The following CDK14 variants were observed in gnomAD, a reference collection of about 807,000 sequenced individuals.
CDK14 encodes the protein cyclin dependent kinase 14.
In CDK14, 34 loss-of-function variants were observed where a neutral mutation model predicts 60.7. The ratio of observed to expected loss-of-function variants is 0.56; its 90% confidence interval spans 0.43 to 0.75. The LOEUF (loss-of-function observed/expected upper bound fraction) is 0.75, where lower values mean the gene tolerates loss of function less well. Among genes scored for constraint, CDK14 ranks in the 30% least tolerant of loss-of-function variants. The probability of loss-of-function intolerance (pLI) is 0.00; values close to 1 mark genes in which losing one functional copy is unlikely to be tolerated. For missense variants in CDK14, 482 were observed against 564.1 expected (o/e 0.85, Z 1.47); for synonymous variants, 197 against 203.7 (o/e 0.97, Z 0.28).
intron 2 of CDK14, among the ~76,000 whole-genome samples, chr7:90,653,416 A>C (rs1800687493): frequency 6.6e-6 from 1 of 151,704 alleles, no homozygotes; most frequent in Non-Finnish European, 1.5e-5. Context: ...TTAGATTCGC[A>C]CCTGTTGGCT....
At chr7:90,643,017 G>T (rs1272240142) in intron 2 of CDK14, among the ~76,000 whole-genome samples, 2 of 152,160 alleles carry the variant, frequency 1.3e-5, no homozygotes, top group Admixed American at 6.5e-5. Flanking sequence ...CATCTCGTGG[G>T]GAAATAATTA....
At chr7:90,780,991 A>G (rs1023510705) in intron 4 of CDK14, among the ~76,000 whole-genome samples, 19 of 152,004 alleles carry the variant, frequency 1.2e-4, no homozygotes, top group Admixed American at 3.3e-4. Context: ...GACTTCCACA[A>G]TGGTTGAACT....
chr7:91,067,295 G>A (rs998584435), intron 11 of CDK14, among the ~76,000 whole-genome samples: 1 of 152,166 alleles, frequency 6.6e-6, no homozygotes, highest in African/African-American at 2.4e-5. Context: ...AATTATAAAT[G>A]TCATGTTCGT....
intron 3 of CDK14, among the ~76,000 whole-genome samples, chr7:90,731,481 A>G (rs1025723878): frequency 2.6e-5 from 4 of 152,144 alleles, no homozygotes; most frequent in Admixed American, 1.3e-4. Flanking sequence ...TGACCATGGA[A>G]TGTTTTTCCA....
chr7:91,113,138 C>T (rs1057027297), intron 13 of CDK14, among the ~76,000 whole-genome samples: 5 of 152,110 alleles, frequency 3.3e-5, no homozygotes, highest in Non-Finnish European at 5.9e-5. Flanking sequence ...ACAGAGGAGC[C>T]GATGATTCAT....
At chr7:91,114,194 T>G (rs961569212) in intron 13 of CDK14, among the ~76,000 whole-genome samples, 1 of 152,320 alleles carries the variant, frequency 6.6e-6, no homozygotes, top group African/African-American at 2.4e-5. Flanking sequence ...CCCATCTGAC[T>G]TGAAGATTGA....
At chr7:91,093,501 T>G (rs1458542481) in intron 12 of CDK14, among the ~76,000 whole-genome samples, 2 of 150,628 alleles carry the variant, frequency 1.3e-5, no homozygotes, top group African/African-American at 2.5e-5. Flanking sequence ...TTACAAAATC[T>G]TCTTAAAATT....
intron 11 of CDK14, among the ~76,000 whole-genome samples, chr7:91,073,825 GAA>G (rs369302312): frequency 7.3e-6 from 1 of 137,522 alleles, no homozygotes; most frequent in Non-Finnish European, 1.6e-5. Context: ...CAAATGAAAA[GAA>G]AAAAAAAAAG....
At chr7:90,681,493 G>C (rs893207422) in intron 2 of CDK14, among the ~76,000 whole-genome samples, 1 of 152,106 alleles carries the variant, frequency 6.6e-6, no homozygotes, top group Admixed American at 6.6e-5. Flanking sequence ...ATACTGACTG[G>C]TGGTGCTCAG....
intron 4 of CDK14, among the ~76,000 whole-genome samples, chr7:90,771,978 G>A (rs1804801289): frequency 2.6e-5 from 4 of 152,180 alleles, no homozygotes; most frequent in Admixed American, 2.6e-4. Flanking sequence ...AAATGTTTTG[G>A]AACATTCCAA....
intron 14 of CDK14, among the ~76,000 whole-genome samples, chr7:91,181,693 C>T (rs1287133987): frequency 2.0e-5 from 3 of 152,122 alleles, no homozygotes; most frequent in African/African-American, 7.2e-5. Flanking sequence ...CTAATATCCT[C>T]CAAAGGTGAT....
chr7:91,171,548 A>G (rs1801518964), intron 14 of CDK14, among the ~76,000 whole-genome samples: 1 of 152,178 alleles, frequency 6.6e-6, no homozygotes, highest in African/African-American at 2.4e-5. Context: ...ACATGGAAAT[A>G]ACTTTCTTGA....
At chr7:91,072,944 T>A (rs1798196848) in intron 11 of CDK14, among the ~76,000 whole-genome samples, 1 of 151,514 alleles carries the variant, frequency 6.6e-6, no homozygotes, top group African/African-American at 2.4e-5. Flanking sequence ...CTTGCTGAAA[T>A]AAGGCAGCCA....
chr7:90,895,344 T>TCCTCTCCTCA (rs1562817472), intron 6 of CDK14, among the ~76,000 whole-genome samples: 6 of 89,956 alleles, frequency 6.7e-5, no homozygotes, highest in Non-Finnish European at 9.3e-5. Flanking sequence ...TCCTCTCCTC[T>TCCTCTCCTCA]CCTCTCCTCT....
At chr7:90,931,671 C>T (rs1186488667) in intron 8 of CDK14, among the ~76,000 whole-genome samples, 1 of 152,134 alleles carries the variant, frequency 6.6e-6, no homozygotes, top group Non-Finnish European at 1.5e-5. Flanking sequence ...TCTTGAGAAA[C>T]GCAATTGCAG....
chr7:90,602,826 G>T (rs1342856319), intron 1 of CDK14, among the ~76,000 whole-genome samples: 2 of 152,124 alleles, frequency 1.3e-5, no homozygotes, highest in Non-Finnish European at 2.9e-5. Context: ...GGAAAAATAA[G>T]AAACTTTTAG....
chr7:90,910,153 TTTTA>T (rs1272437529), intron 7 of CDK14, among the ~76,000 whole-genome samples: 1 of 152,202 alleles, frequency 6.6e-6, no homozygotes, highest in Non-Finnish European at 1.5e-5. Flanking sequence ...ATAGCTAGGG[TTTTA>T]TTTCTCTTTT....
intron 5 of CDK14, among the ~76,000 whole-genome samples, chr7:90,811,286 A>C (rs947889240): frequency 6.6e-6 from 1 of 152,090 alleles, no homozygotes; most frequent in African/African-American, 2.4e-5. Flanking sequence ...CCAATGGAAC[A>C]GAACAGAGCC....
chr7:91,076,585 C>T (rs1013941686), intron 11 of CDK14, among the ~76,000 whole-genome samples: 1 of 152,102 alleles, frequency 6.6e-6, no homozygotes, highest in Non-Finnish European at 1.5e-5. Context: ...AGGACTTACG[C>T]ATGGGCAAAG....
Sources: allele counts gnomAD v4.1 joint callset (sites outside exome capture counted in the v4.1 genomes callset), GRCh38; gene constraint gnomAD v4.1.1; transcripts MANE v1.5; gene names NCBI Gene and HGNC (gene_info 2026-07-23, HGNC 2026-07-21).